Variants in UNC13C observed in about 807,000 individuals in gnomAD.
UNC13C encodes the protein unc-13 homolog C, also known as protein unc-13 homolog C.
In UNC13C, 174 loss-of-function variants were observed where a neutral mutation model predicts 245.4. The ratio of observed to expected loss-of-function variants is 0.71; its 90% CI spans 0.63 to 0.80. The LOEUF is 0.80. UNC13C is among the 30% of genes least tolerant of loss of function. UNC13C has a pLI of 0.00. For synonymous variants in UNC13C, 992 were observed against 895.1 expected (o/e 1.11, Z -1.93); for missense variants, 2,829 against 2,602.9 (o/e 1.09, Z -1.89).
intron 2 of UNC13C, among the ~76,000 whole-genome samples, chr15:54,095,797 A>C (rs1426396586): frequency 6.6e-6 from 1 of 152,232 alleles, no homozygotes; most frequent in African/African-American, 2.4e-5. Flanking sequence ...GGTTCAAGAC[A>C]TATTCAAAAG....
At chr15:54,458,678 G>GTTTT (rs1407353316) in intron 19 of UNC13C, among the ~76,000 whole-genome samples, 1 of 38,630 alleles carries the variant, frequency 2.6e-5, no homozygotes, top group African/African-American at 8.9e-5. Flanking sequence ...TTCCTTTAAG[G>GTTTT]TCTTTTTTTT....
the UNC13C span, chr15:53,913,328 G>A: frequency 1.3e-5 from 2 of 152,224 alleles, no homozygotes; most frequent in African/African-American, 2.4e-5. Context: ...GATAGTTTCA[G>A]TTAGGGCCTA....
At chr15:54,010,980 A>G (rs1177798117) in intron 1 of UNC13C, among the ~76,000 whole-genome samples, 1 of 152,214 alleles carries the variant, frequency 6.6e-6, no homozygotes, top group East Asian at 1.9e-4. Context: ...AATGTGGCCA[A>G]TTCTTCGATA....
In UNC13C at chr15:54,254,106, G is replaced by A. The variant is rs964790140; in HGVS notation, c.3448+3662G>A. Among the ~76,000 whole-genome samples, 12 of 152,156 alleles carry A rather than the reference G, an allele frequency of 7.9e-5. 1 individual carries two copies. The highest frequency in any genetic ancestry group is 2.6e-4 in the Admixed American group (4 of 15,272). On this transcript the variant is annotated intron_variant, in intron 8 of 32. Coordinates refer to ENST00000260323, the MANE Select transcript of UNC13C (RefSeq NM_001080534.3). ...CCTAAGACAAGCAATTAATAAATTC[G>A]TAGCATTAATAAAACCTGTTTAACA...
At chr15:54,618,350 C>T (rs1296236410) in intron 30 of UNC13C, among the ~76,000 whole-genome samples, 2 of 152,146 alleles carry the variant, frequency 1.3e-5, no homozygotes, top group African/African-American at 4.8e-5. Flanking sequence ...ATGTTGTAGA[C>T]ACACAGATGG....
At chr15:53,924,647 A>G in the UNC13C span, among the ~76,000 whole-genome samples, 2 of 152,198 alleles carry the variant, frequency 1.3e-5, no homozygotes, top group African/African-American at 4.8e-5. Context: ...TTTACTCAGA[A>G]AATTACAGTG....
At chr15:54,620,313 T>C (rs28391429) in intron 30 of UNC13C, among the ~76,000 whole-genome samples, 21,088 of 152,024 alleles carry the variant, frequency 0.14, 1,513 homozygotes, top group Middle Eastern at 0.24. Context: ...GACAAGCAAT[T>C]TGAGAAAGGA....
chr15:53,997,197 G>A lies in UNC13C; in HGVS notation c.-256-15451G>A, dbSNP rs114906165. Among the ~76,000 whole-genome samples, 465 of 152,012 alleles carry A rather than the reference G, an allele frequency of 3.1e-3. 2 individuals carry two copies. Among genetic ancestry groups the A allele is most frequent in the African/African-American group, 0.011 (441 of 41,462 alleles). Reference sequence around the variant, plus strand: ...AGAGTACAGTTTTATGTGCTTATTCGTCATTTGAACACCTTCCTTGGTGAA... The same window carrying A: ...AGAGTACAGTTTTATGTGCTTATTCATCATTTGAACACCTTCCTTGGTGAA... On this transcript the variant is annotated intron_variant, in intron 1 of 32. Transcript: ENST00000260323.
At chr15:54,333,272 T>C (rs2140996906) in intron 15 of UNC13C, among the ~76,000 whole-genome samples, 1 of 152,232 alleles carries the variant, frequency 6.6e-6, no homozygotes, top group Non-Finnish European at 1.5e-5. Flanking sequence ...GAAACCTTTT[T>C]TTAAAATCCA....
Position 54,533,026 on chromosome 15 carries a change from G to T in UNC13C, c.5656G>T (p.Glu1886Ter). 1 of 1,599,300 alleles carries T rather than the reference G, an allele frequency of 6.3e-7. No individual in the cohort carries two copies. Among genetic ancestry groups the T allele is most frequent in the South Asian group, 1.1e-5 (1 of 88,288 alleles). ...TAAGAACAGTGCAGCAATGGATGCAGAGATTGTGTTAAGATCTCTTATGGA... is the reference window on the plus strand; with the variant it reads ...TAAGAACAGTGCAGCAATGGATGCATAGATTGTGTTAAGATCTCTTATGGA... ...SNKNSAAMDA[E>*]IVLRSLMDFL... is the part of the protein sequence containing the mutation. The change falls in exon 26 of 33, where the codon GAG (glutamate) becomes TAG (stop). Residue 1886 changes from glutamate to a stop codon, truncating the protein, a stop_gained. Transcript: ENST00000260323. LOFTEE classifies it high-confidence loss of function.
chr15:54,490,983 T>A (rs1260106806), intron 19 of UNC13C, among the ~76,000 whole-genome samples: 1 of 152,210 alleles, frequency 6.6e-6, no homozygotes, highest in Admixed American at 6.5e-5. Context: ...ATCCTGTACC[T>A]GTCGAAAATC....
rs1010560484 is a variant in UNC13C at position 54,607,607 on chromosome 15, T to A, written c.6107-14720T>A. Among the ~76,000 whole-genome samples, 6 of 152,126 alleles carry A rather than the reference T, an allele frequency of 3.9e-5. No homozygotes were observed. In the South Asian group the frequency reaches 6.2e-4, roughly 16 times the overall value. On this transcript the variant is annotated intron_variant, in intron 30 of 32. Coordinates refer to ENST00000260323, the MANE Select transcript of UNC13C (RefSeq NM_001080534.3). The stretch of plus-strand genomic sequence containing the variant: ...AACTACCTGAGACCATGAGGTAATT[T>A]ATGAAGAAAAGAGGGTTAATTGACT...
chr15:53,992,803 A>G (rs1254471012), intron 1 of UNC13C, among the ~76,000 whole-genome samples: 1 of 152,104 alleles, frequency 6.6e-6, no homozygotes, highest in African/African-American at 2.4e-5. Flanking sequence ...TACATTAGTA[A>G]TTAATCACTC....
intron 29 of UNC13C, among the ~76,000 whole-genome samples, chr15:54,556,249 C>T (rs1897083913): frequency 6.6e-6 from 1 of 151,954 alleles, no homozygotes; most frequent in Non-Finnish European, 1.5e-5. Context: ...ATCTACTATC[C>T]AAGATATGTG....
chr15:54,167,719 C>T (rs892794547), intron 4 of UNC13C, among the ~76,000 whole-genome samples: 4 of 149,024 alleles, frequency 2.7e-5, no homozygotes, highest in African/African-American at 4.9e-5. Context: ...AACTAACAAA[C>T]CTTAAGAGGA....
intron 19 of UNC13C, among the ~76,000 whole-genome samples, chr15:54,479,518 C>A (rs1892985197): frequency 1.3e-5 from 2 of 151,796 alleles, no homozygotes; most frequent in Non-Finnish European, 2.9e-5. Flanking sequence ...TTTTTAAATC[C>A]ATTTAACCTG....
chr15:54,537,823 A>G (rs768821427), intron 26 of UNC13C, among the ~76,000 whole-genome samples: 2 of 152,210 alleles, frequency 1.3e-5, no homozygotes, highest in Non-Finnish European at 2.9e-5. Context: ...CTTTCACTGT[A>G]TACAAAAATC....
intron 25 of UNC13C, among the ~76,000 whole-genome samples, chr15:54,526,550 T>C (rs1292646703): frequency 6.6e-6 from 1 of 151,614 alleles, no homozygotes; most frequent in Admixed American, 6.6e-5. Context: ...GCTAATACAG[T>C]GAAACCCCGT....
intron 23 of UNC13C, among the ~76,000 whole-genome samples, chr15:54,507,688 T>C (rs964693678): frequency 6.6e-6 from 1 of 152,046 alleles, no homozygotes; most frequent in African/African-American, 2.4e-5. Context: ...AAATTCAAAC[T>C]AGTATTGCAA....
Sources: gnomAD v4.1 joint callset for allele counts (sites outside exome capture counted in the v4.1 genomes callset) on GRCh38, gnomAD v4.1.1 for gene constraint, MANE v1.5 for transcripts, NCBI Gene and HGNC (gene_info 2026-07-23, HGNC 2026-07-21) for gene names.